Variants in NFIB observed in about 807,000 individuals in gnomAD.
NFIB encodes the protein nuclear factor I B, also known as nuclear factor 1 B-type.
Under a neutral mutation model 61.5 loss-of-function variants are expected in NFIB, and 11 were observed. The ratio of observed to expected loss-of-function variants is 0.18; its 90% CI spans 0.11 to 0.30. NFIB has a LOEUF of 0.30. NFIB is among the 10% of genes least tolerant of loss of function. NFIB has a pLI of 1.00. For missense variants in NFIB, 471 were observed against 608.9 expected (o/e 0.77, Z 2.38); for synonymous variants, 260 against 216.5 (o/e 1.20, Z -1.76).
At chr9:14,382,404 T>C (rs964824295) in intron 1 of NFIB, among the ~76,000 whole-genome samples, 3 of 152,118 alleles carry the variant, frequency 2.0e-5, no homozygotes, top group Non-Finnish European at 4.4e-5. Flanking sequence ...TTTGTGGTTC[T>C]TATTTATTTG....
intron 2 of NFIB, chr9:14,300,133 A>G: frequency 2.5e-6 from 1 of 398,430 alleles, no homozygotes. Flanking sequence ...TAACCGCATC[A>G]CAAAACTGGA....
intron 1 of NFIB, among the ~76,000 whole-genome samples, chr9:14,372,954 A>G (rs536493969): frequency 1.3e-5 from 2 of 151,862 alleles, no homozygotes; most frequent in South Asian, 4.2e-4. Flanking sequence ...AAGCTTAGAT[A>G]TGAGCAAGCA....
chr9:14,159,713 C>G (rs1281992037), intron 3 of NFIB, among the ~76,000 whole-genome samples: 3 of 152,168 alleles, frequency 2.0e-5, no homozygotes, highest in Non-Finnish European at 4.4e-5. Flanking sequence ...CATTAGCATA[C>G]AGAAGACAAT....
At chr9:14,268,323 T>C (rs1395102869) in intron 2 of NFIB, among the ~76,000 whole-genome samples, 1 of 152,154 alleles carries the variant, frequency 6.6e-6, no homozygotes, top group Non-Finnish European at 1.5e-5. Context: ...CTTGATGATC[T>C]ACCCTCTGGA....
At chr9:14,395,726 CTTTTTTTTTTTTTTTTTT>C (rs35417792) in intron 1 of NFIB, among the ~76,000 whole-genome samples, 1 of 65,726 alleles carries the variant, frequency 1.5e-5, no homozygotes, top group Non-Finnish European at 3.0e-5. Flanking sequence ...ATTCTTTTGA[CTTTTTTTTTTTTTTTTTT>C]TTTTTTTTTT....
chr9:14,407,131 GT>G, the NFIB span, among the ~76,000 whole-genome samples: 3 of 152,044 alleles, frequency 2.0e-5, no homozygotes, highest in Admixed American at 6.5e-5. Context: ...CCCAGAATTG[GT>G]TTTTCTTGCT....
At chr9:14,329,273 C>G (rs1401576449) in intron 1 of NFIB, among the ~76,000 whole-genome samples, 2 of 152,156 alleles carry the variant, frequency 1.3e-5, no homozygotes, top group Non-Finnish European at 2.9e-5. Flanking sequence ...TAAACAAGCA[C>G]TCTTTGTATT....
chr9:14,280,730 A>G (rs2058318785), intron 2 of NFIB, among the ~76,000 whole-genome samples: 1 of 152,092 alleles, frequency 6.6e-6, no homozygotes, highest in African/African-American at 2.4e-5. Context: ...GGTTCCTTGG[A>G]GGATGCACCT....
chr9:14,216,242 T>C (rs1419477140), intron 2 of NFIB, among the ~76,000 whole-genome samples: 1 of 152,188 alleles, frequency 6.6e-6, no homozygotes, highest in Non-Finnish European at 1.5e-5. Context: ...ATAAATAATT[T>C]TAACTGATAA....
intron 2 of NFIB, among the ~76,000 whole-genome samples, chr9:14,281,815 A>G (rs977042868): frequency 3.3e-5 from 5 of 152,042 alleles, no homozygotes; most frequent in Non-Finnish European, 7.4e-5. Context: ...TCACACGTTC[A>G]CATGCACACA....
At chr9:14,221,179 C>T (rs761049635) in intron 2 of NFIB, among the ~76,000 whole-genome samples, 2 of 152,150 alleles carry the variant, frequency 1.3e-5, no homozygotes, top group Admixed American at 1.3e-4. Flanking sequence ...TTCCCCATAT[C>T]GCAAAGTAAA....
chr9:14,143,638 G>A (rs1312628369), intron 6 of NFIB, among the ~76,000 whole-genome samples: 1 of 152,120 alleles, frequency 6.6e-6, no homozygotes, highest in Non-Finnish European at 1.5e-5. Flanking sequence ...AATAGTTATT[G>A]AGTATCAATT....
chr9:14,394,899 G>A (rs1322374319), intron 1 of NFIB, among the ~76,000 whole-genome samples: 2 of 152,092 alleles, frequency 1.3e-5, no homozygotes, highest in Non-Finnish European at 2.9e-5. Context: ...ACTCTAAAGG[G>A]CTGTAAGAAT....
intron 3 of NFIB, among the ~76,000 whole-genome samples, chr9:14,175,844 A>G (rs181898930): frequency 4.5e-4 from 69 of 152,336 alleles, no homozygotes; most frequent in Middle Eastern, 3.4e-3. Context: ...TCATATTACC[A>G]GCAGAGAATT....
intron 2 of NFIB, among the ~76,000 whole-genome samples, chr9:14,195,001 T>C (rs2048324493): frequency 6.6e-6 from 1 of 152,108 alleles, no homozygotes; most frequent in East Asian, 1.9e-4. Context: ...CCCGTAAGCT[T>C]CTCCACAATG....
At chr9:14,466,925 G>A in the NFIB span, among the ~76,000 whole-genome samples, 1 of 152,146 alleles carries the variant, frequency 6.6e-6, no homozygotes. Context: ...AGCCAAGGCT[G>A]GGGTTAGGAA....
intron 2 of NFIB, among the ~76,000 whole-genome samples, chr9:14,194,329 A>G (rs1409205995): frequency 6.6e-6 from 1 of 152,018 alleles, no homozygotes; most frequent in East Asian, 1.9e-4. Context: ...CTAAGAGACA[A>G]TCTCCATAAA....
chr9:14,484,144 T>C, the NFIB span, among the ~76,000 whole-genome samples: 5 of 152,238 alleles, frequency 3.3e-5, no homozygotes, highest in African/African-American at 4.8e-5. Flanking sequence ...GAAAATACTA[T>C]ATTTATTAAT....
At chr9:14,123,512 A>T (rs1291124573) in intron 7 of NFIB, among the ~76,000 whole-genome samples, 1 of 152,234 alleles carries the variant, frequency 6.6e-6, no homozygotes. Flanking sequence ...TACTGCTTCC[A>T]GAATAAAATC....
Sources: gnomAD v4.1 joint callset for allele counts (sites outside exome capture counted in the v4.1 genomes callset) on GRCh38, gnomAD v4.1.1 for gene constraint, MANE v1.5 for transcripts, NCBI Gene and HGNC (gene_info 2026-07-23, HGNC 2026-07-21) for gene names.